The following ZBTB16 variants were observed in gnomAD, a reference collection of about 807,000 sequenced individuals.
ZBTB16 encodes zinc finger and BTB domain containing 16.
ZBTB16 carries 8 observed loss-of-function variants against 56.8 expected under a neutral mutation model. The ratio of observed to expected loss-of-function variants is 0.14; its 90% CI spans 0.08 to 0.25. The LOEUF is 0.25. Among genes scored for constraint, ZBTB16 ranks in the 10% least tolerant of loss-of-function variants. ZBTB16 has a pLI of 1.00. For synonymous variants in ZBTB16, 363 were observed against 368.5 expected, an observed-to-expected ratio of 0.98 and a Z score of 0.17; for missense variants, 625 against 903.0, an observed-to-expected ratio of 0.69 and a Z score of 3.95.
chr11:114,217,765 G>A (rs1471012590), intron 4 of ZBTB16, among the ~76,000 whole-genome samples: 1 of 152,152 alleles, frequency 6.6e-6, no homozygotes, highest in Non-Finnish European at 1.5e-5. Context: ...AGAACACCAT[G>A]GTGGGGATGA....
At chr11:114,166,196 G>T (rs1942749003) in intron 3 of ZBTB16, among the ~76,000 whole-genome samples, 1 of 141,392 alleles carries the variant, frequency 7.1e-6, no homozygotes, top group African/African-American at 2.8e-5. Flanking sequence ...CAGAGGACTG[G>T]TCTACGTGTG....
chr11:114,154,871 G>A (rs967500226), intron 2 of ZBTB16, among the ~76,000 whole-genome samples: 1 of 152,162 alleles, frequency 6.6e-6, no homozygotes, highest in African/African-American at 2.4e-5. Context: ...TCAGAAGGCC[G>A]TACACAGTGG....
At chr11:114,234,101 G>A (rs1014760071) in intron 4 of ZBTB16, among the ~76,000 whole-genome samples, 14 of 152,160 alleles carry the variant, frequency 9.2e-5, no homozygotes, top group African/African-American at 3.1e-4. Flanking sequence ...TATTGAAACC[G>A]TAACATTCCC....
chr11:114,119,351 C>CGT (rs368627274), intron 2 of ZBTB16, among the ~76,000 whole-genome samples: 13 of 141,804 alleles, frequency 9.2e-5, no homozygotes, highest in Admixed American at 2.1e-4. Flanking sequence ...TGTGTGCGCG[C>CGT]GTGTGTGTGT....
chr11:114,218,222 CCTT>C (rs1168024065), intron 4 of ZBTB16, among the ~76,000 whole-genome samples: 1 of 152,212 alleles, frequency 6.6e-6, no homozygotes, highest in Non-Finnish European at 1.5e-5. Context: ...CCAGGTGAAC[CCTT>C]CTTGCTGGTT....
chr11:114,250,212 G>A lies in ZBTB16; in HGVS notation c.1793-114G>A. ...CTTCATTGTCCCAGAAAGTTCTGTTGGAGCAAGCCCAGCTGGAGGAACCCA... is the reference window on the plus strand; with the variant it reads ...CTTCATTGTCCCAGAAAGTTCTGTTAGAGCAAGCCCAGCTGGAGGAACCCA... On this transcript the variant is annotated intron_variant, in intron 6 of 6. Coordinates refer to ENST00000335953, the MANE Select transcript of ZBTB16 (RefSeq NM_006006.6). The surrounding 1 kb of genome is among the most constrained non-coding windows in gnomAD (Gnocchi z 6.0). 1 of 1,194,062 alleles carries A rather than the reference G, an allele frequency of 8.4e-7. No individual in the cohort carries two copies. Among genetic ancestry groups the A allele is most frequent in the Non-Finnish European group, 1.2e-6 (1 of 817,702 alleles). 74.0% of individuals were successfully genotyped at this position (1,194,062 alleles called of 1,614,324 possible). A position where few individuals can be genotyped will look rare whatever the true frequency, so the allele number is the denominator to read the frequency against.
intron 2 of ZBTB16, among the ~76,000 whole-genome samples, chr11:114,115,528 T>C (rs1368225723): frequency 6.6e-6 from 1 of 152,018 alleles, no homozygotes; most frequent in African/African-American, 2.4e-5. Context: ...TTCCTACCCC[T>C]AGAGCAGAAG....
chr11:114,149,430 G>A (rs1209974258), intron 2 of ZBTB16, among the ~76,000 whole-genome samples: 1 of 152,134 alleles, frequency 6.6e-6, no homozygotes, highest in Non-Finnish European at 1.5e-5. Context: ...CTCCTGGTCT[G>A]GATCCCCAGC....
intron 2 of ZBTB16, among the ~76,000 whole-genome samples, chr11:114,106,239 TAAGA>T (rs928092774): frequency 3.3e-5 from 5 of 152,072 alleles, no homozygotes; most frequent in Admixed American, 6.5e-5. Context: ...GTAGCTTCTG[TAAGA>T]AAGAGACTAC....
intron 3 of ZBTB16, among the ~76,000 whole-genome samples, chr11:114,162,774 C>T (rs1342767998): frequency 7.9e-5 from 12 of 152,164 alleles, no homozygotes; most frequent in Non-Finnish European, 1.8e-4. Context: ...GGCTCAGAGG[C>T]CAGGCTGCCC....
At chr11:114,122,433 C>T (rs1271745217) in intron 2 of ZBTB16, among the ~76,000 whole-genome samples, 2 of 152,014 alleles carry the variant, frequency 1.3e-5, no homozygotes, top group Non-Finnish European at 2.9e-5. Flanking sequence ...AAGATCACGA[C>T]GTCTATGTAA....
At position 114,228,609 on chromosome 11, in the gene ZBTB16, C is replaced by T. The variant is rs1224856989; in HGVS notation, c.1454-13558C>T. 2.0e-5 allele frequency among the ~76,000 whole-genome samples: 3 copies of T among 152,224 alleles called. No individual in the cohort carries two copies. The East Asian group carries it at 5.8e-4, about 29-fold the overall frequency. On this transcript the variant is annotated intron_variant, in intron 4 of 6. Transcript: ENST00000335953. ...CTTTTCTGCCTAGAGGGGCAGTGCA[C>T]AGTGCACGGGGCTGGGAGCGTGTTG...
At chr11:114,159,028 C>T (rs1344975923) in intron 3 of ZBTB16, among the ~76,000 whole-genome samples, 1 of 152,226 alleles carries the variant, frequency 6.6e-6, no homozygotes, top group Non-Finnish European at 1.5e-5. Flanking sequence ...GTGAGTTAGC[C>T]AGTGTCTCTG....
At chr11:114,159,940 G>C (rs185775356) in intron 3 of ZBTB16, among the ~76,000 whole-genome samples, 9 of 148,162 alleles carry the variant, frequency 6.1e-5, no homozygotes, top group Non-Finnish European at 1.0e-4. Context: ...GGGGAGGCGG[G>C]GGGGAGGCGA....
chr11:114,219,661 A>T (rs1004569019), intron 4 of ZBTB16, among the ~76,000 whole-genome samples: 15 of 53,988 alleles, frequency 2.8e-4, no homozygotes, highest in Admixed American at 2.5e-3. Flanking sequence ...AAAAAAGCTT[A>T]AAAAAAAAAA....
intron 4 of ZBTB16, among the ~76,000 whole-genome samples, chr11:114,194,890 C>G (rs755633437): frequency 3.2e-4 from 49 of 152,342 alleles, no homozygotes; most frequent in Middle Eastern, 3.4e-3. Flanking sequence ...CGGACACTAT[C>G]TTGGCTCAGG....
intron 6 of ZBTB16, among the ~76,000 whole-genome samples, chr11:114,249,065 T>A (rs1012700297): frequency 1.3e-5 from 2 of 151,948 alleles, no homozygotes; most frequent in Non-Finnish European, 2.9e-5. Flanking sequence ...AACGCTAGGG[T>A]GTGGCTGTGC....
chr11:114,164,316 C>T (rs1942682368), intron 3 of ZBTB16, among the ~76,000 whole-genome samples: 1 of 152,162 alleles, frequency 6.6e-6, no homozygotes, highest in Non-Finnish European at 1.5e-5. Context: ...TGGTTTCTTC[C>T]ACACAAACCC....
intron 4 of ZBTB16, among the ~76,000 whole-genome samples, 160 bp from the exon 5 acceptor site, chr11:114,242,007 T>G (rs527954273): frequency 6.6e-6 from 1 of 152,354 alleles, no homozygotes; most frequent in East Asian, 1.9e-4. Context: ...GGCCACATAC[T>G]GGGTGCTCAG....
Sources: allele counts gnomAD v4.1 joint callset (sites outside exome capture counted in the v4.1 genomes callset), GRCh38; gene constraint gnomAD v4.1.1; non-coding constraint Gnocchi (gnomAD v3.1); transcripts MANE v1.5; gene names NCBI Gene and HGNC (gene_info 2026-07-23, HGNC 2026-07-21).